MCHR2: variants seen among roughly 807,000 people sequenced by gnomAD.
MCHR2 encodes the protein melanin-concentrating hormone receptor 2.
A neutral mutation model predicts 24.8 loss-of-function variants in MCHR2; 15 were observed. That is an observed-to-expected ratio of 0.60 (90% CI 0.40 to 0.93). MCHR2 has a LOEUF of 0.93. Ranked by LOEUF, MCHR2 falls within the 40% of genes least tolerant of loss-of-function variation. MCHR2 has a pLI of 0.00. For missense variants in MCHR2, 386 were observed against 408.7 expected, an observed-to-expected ratio of 0.94 and a Z score of 0.48; for synonymous variants, 151 against 147.6, an observed-to-expected ratio of 1.02 and a Z score of -0.17.
intron 1 of MCHR2, among the ~76,000 whole-genome samples, chr6:99,960,741 A>C (rs1239843624): frequency 6.6e-6 from 1 of 152,212 alleles, no homozygotes; most frequent in African/African-American, 2.4e-5. Context: ...AGGATTTCCC[A>C]TTTAATAAAT....
chr6:99,967,711 C>T (rs549805039), intron 1 of MCHR2, among the ~76,000 whole-genome samples: 8 of 152,234 alleles, frequency 5.3e-5, no homozygotes, highest in Non-Finnish European at 8.8e-5. Context: ...AGCACAATTA[C>T]ATTTACCTGT....
chr6:99,960,366 T>G (rs7756890), intron 1 of MCHR2, among the ~76,000 whole-genome samples: 24,325 of 152,168 alleles, frequency 0.16, 2,090 homozygotes, highest in African/African-American at 0.19. Flanking sequence ...TCCATGCTCA[T>G]TGATAGGAAG....
At position 99,956,206 on chromosome 6, in the gene MCHR2, G is replaced by T. The variant is rs913072589; in HGVS notation, c.-27-32C>A. 5.7e-6 allele frequency: 8 copies of T among 1,391,646 alleles called. No homozygotes were observed. The African/African-American group carries it at 1.2e-4, about 20-fold the overall frequency. The allele number at this position is 1,391,646 out of a possible 1,614,324, so 86.2% of individuals were successfully genotyped here. ...AGTAATAGGAAGTGATTTATTTAGTGAACATTCCCTCAATATAACTTCCTT... is the reference window on the plus strand; with the variant it reads ...AGTAATAGGAAGTGATTTATTTAGTTAACATTCCCTCAATATAACTTCCTT... On this transcript the variant is annotated intron_variant, in intron 1 of 5. Transcript: ENST00000281806.
intron 3 of MCHR2, 111 bp from the exon 4 acceptor site, chr6:99,943,254 C>G (rs1774811530): frequency 1.6e-6 from 1 of 617,340 alleles, no homozygotes. Context: ...CTTTCTGAAG[C>G]ACACCTCTAT....
At chr6:99,924,404 A>T (rs185504463) in intron 5 of MCHR2, among the ~76,000 whole-genome samples, 2 of 151,724 alleles carry the variant, frequency 1.3e-5, no homozygotes, top group African/African-American at 2.4e-5. Context: ...TTTTAATTTC[A>T]TTCATTTCTG....
intron 5 of MCHR2, among the ~76,000 whole-genome samples, chr6:99,926,305 G>A (rs965953159): frequency 1.3e-5 from 2 of 152,080 alleles, no homozygotes; most frequent in Non-Finnish European, 2.9e-5. Flanking sequence ...ACGTATGCAT[G>A]TGTCTTTATA....
intron 1 of MCHR2, among the ~76,000 whole-genome samples, chr6:99,968,869 C>T (rs980077313): frequency 8.6e-5 from 13 of 152,010 alleles, no homozygotes; most frequent in African/African-American, 3.1e-4. Context: ...CACACTTCCT[C>T]ATAATCTATG....
chr6:99,969,551 AT>A (rs1212010378), intron 1 of MCHR2, among the ~76,000 whole-genome samples: 5 of 150,574 alleles, frequency 3.3e-5, no homozygotes, highest in Non-Finnish European at 7.4e-5. Context: ...TGAGTAAAGC[AT>A]TTTTTCTTTT....
chr6:99,977,996 A>G (rs1775586327), intron 1 of MCHR2, among the ~76,000 whole-genome samples: 1 of 152,216 alleles, frequency 6.6e-6, no homozygotes, highest in South Asian at 2.1e-4. Flanking sequence ...TATACCCACG[A>G]AGTGAGCAGG....
At chr6:99,974,676 C>G (rs539519288) in intron 1 of MCHR2, among the ~76,000 whole-genome samples, 1 of 152,102 alleles carries the variant, frequency 6.6e-6, no homozygotes, top group Non-Finnish European at 1.5e-5. Flanking sequence ...CTGTTTTTTC[C>G]CCATCTTTGT....
At chr6:99,927,238 G>A (rs144123131) in intron 5 of MCHR2, among the ~76,000 whole-genome samples, 7,077 of 152,270 alleles carry the variant, frequency 0.046, 250 homozygotes, top group Non-Finnish European at 0.068. Flanking sequence ...GGTTACTGCA[G>A]CCTTGTAGTA....
At chr6:99,953,682 C>T (rs1368644185) in intron 2 of MCHR2, among the ~76,000 whole-genome samples, 16 of 130,114 alleles carry the variant, frequency 1.2e-4, no homozygotes, top group East Asian at 6.7e-4. Flanking sequence ...TTTAGATAGA[C>T]GCTGCTTTTT....
intron 3 of MCHR2, among the ~76,000 whole-genome samples, chr6:99,943,439 C>T (rs1319951927): frequency 6.6e-6 from 1 of 151,266 alleles, no homozygotes; most frequent in Non-Finnish European, 1.5e-5. Context: ...CACCCATTAA[C>T]TCGTCATTTA....
At chr6:99,931,565 C>A (rs1343430637) in intron 5 of MCHR2, among the ~76,000 whole-genome samples, 1 of 152,160 alleles carries the variant, frequency 6.6e-6, no homozygotes, top group African/African-American at 2.4e-5. Flanking sequence ...CCCCCACCCT[C>A]GCTGCCGCCT....
rs11965100 is a variant in MCHR2 at position 99,926,334 on chromosome 6, C to A, written c.708-5079G>T. ...CTTTATAGCAGCATGATTTATAGTC[C>A]TTTGGGTATATACCCAGTAATGGGA... On this transcript the variant is annotated intron_variant, in intron 5 of 5. Coordinates refer to ENST00000281806, the MANE Select transcript of MCHR2 (RefSeq NM_001040179.2). 1.4e-3 allele frequency among the ~76,000 whole-genome samples: 207 copies of A among 152,236 alleles called. 1 individual carries two copies. The highest frequency in any genetic ancestry group is 4.8e-3 in the African/African-American group (201 of 41,518).
chr6:99,924,871 C>A (rs1774317297), intron 5 of MCHR2, among the ~76,000 whole-genome samples: 1 of 152,052 alleles, frequency 6.6e-6, no homozygotes, highest in Non-Finnish European at 1.5e-5. Context: ...AATGTATATT[C>A]TGATGTCATT....
chr6:99,959,026 T>C (rs955486168), intron 1 of MCHR2, among the ~76,000 whole-genome samples: 2 of 152,134 alleles, frequency 1.3e-5, no homozygotes, highest in African/African-American at 2.4e-5. Flanking sequence ...TGCTTGGCAG[T>C]ATCTTCCTTA....
intron 1 of MCHR2, among the ~76,000 whole-genome samples, chr6:99,987,902 C>A (rs6936483): frequency 1.3e-5 from 2 of 152,042 alleles, no homozygotes; most frequent in Non-Finnish European, 2.9e-5. Context: ...GAAAAGGAAA[C>A]AAGAGACTAA....
chr6:99,933,734 A>G (rs1465330622), intron 5 of MCHR2, among the ~76,000 whole-genome samples: 3 of 152,116 alleles, frequency 2.0e-5, no homozygotes, highest in Non-Finnish European at 2.9e-5. Context: ...TATATTTAAA[A>G]TATAATGTTT....
Sources: allele counts gnomAD v4.1 joint callset (sites outside exome capture counted in the v4.1 genomes callset), GRCh38; gene constraint gnomAD v4.1.1; transcripts MANE v1.5; gene names NCBI Gene and HGNC (gene_info 2026-07-23, HGNC 2026-07-21).